PPP2R2C: variants seen among roughly 807,000 people sequenced by gnomAD.
PPP2R2C encodes the protein protein phosphatase 2, regulatory subunit B, gamma.
Under a neutral mutation model 45.3 loss-of-function variants are expected in PPP2R2C, and 10 were observed. That is an observed-to-expected ratio of 0.22 (90% confidence interval 0.14 to 0.37). The LOEUF (loss-of-function observed/expected upper bound fraction) is 0.37, where lower values mean the gene tolerates loss of function less well. Ranked by LOEUF, PPP2R2C falls within the 10% of genes least tolerant of loss-of-function variation. The pLI is 1.00. For synonymous variants in PPP2R2C, 257 were observed against 245.4 expected, an observed-to-expected ratio of 1.05 and a Z score of -0.44; for missense variants, 308 against 619.7, an observed-to-expected ratio of 0.50 and a Z score of 5.34.
At chr4:6,326,314 A>G (rs1409343842) in intron 8 of PPP2R2C, among the ~76,000 whole-genome samples, 1 of 152,106 alleles carries the variant, frequency 6.6e-6, no homozygotes, top group Non-Finnish European at 1.5e-5. Context: ...GCCGGAGAGA[A>G]AAAAACAGCC....
rs534122415 is a variant in PPP2R2C at position 6,418,899 on chromosome 4, C to CAGACAGTAGGCCTGGGCACAG, written c.71-37826_71-37806dup. 4.5e-3 allele frequency among the ~76,000 whole-genome samples: 684 copies of CAGACAGTAGGCCTGGGCACAG among 152,248 alleles called. 5 individuals carry two copies. Among genetic ancestry groups the CAGACAGTAGGCCTGGGCACAG allele is most frequent in the Non-Finnish European group, 7.5e-3 (512 of 68,018 alleles). Reference sequence around the variant, plus strand: ...TGGTTCTGGGGAGTAAAGTGTGAAGCAGACAGTAGGCCTGGGCACAGAGAC... The same window carrying CAGACAGTAGGCCTGGGCACAG: ...TGGTTCTGGGGAGTAAAGTGTGAAGCAGACAGTAGGCCTGGGCACAGAGACAGTAGGCCTGGGCACAGAGAC... On this transcript the variant is annotated intron_variant, in intron 1 of 8. Coordinates refer to ENST00000382599, the MANE Select transcript of PPP2R2C (RefSeq NM_020416.4).
intron 5 of PPP2R2C, among the ~76,000 whole-genome samples, chr4:6,354,023 G>C (rs1246514399): frequency 7.2e-6 from 1 of 139,462 alleles, no homozygotes; most frequent in African/African-American, 2.7e-5. Context: ...AGGCATCAGG[G>C]GGCTTCTTCC....
At chr4:6,421,011 G>C in intron 1 of PPP2R2C, 1 of 985,248 alleles carries the variant, frequency 1.0e-6, no homozygotes, top group Non-Finnish European at 1.2e-6. Context: ...TGTGCCTGAG[G>C]AGGGCTTCGT....
intron 7 of PPP2R2C, 64 bp downstream of exon 7, chr4:6,333,498 C>T: frequency 6.4e-7 from 1 of 1,562,810 alleles, no homozygotes; most frequent in African/African-American, 1.4e-5. Context: ...AAGGCCCCCT[C>T]CATGGGGATC....
At chr4:6,407,497 C>A (rs554489948) in intron 1 of PPP2R2C, among the ~76,000 whole-genome samples, 3 of 152,288 alleles carry the variant, frequency 2.0e-5, no homozygotes, top group South Asian at 4.1e-4. Flanking sequence ...TGGGTTCAAG[C>A]GATTCTCCAG....
At chr4:6,547,864 T>G (rs1272038926) in intron 1 of PPP2R2C, among the ~76,000 whole-genome samples, 1 of 151,966 alleles carries the variant, frequency 6.6e-6, no homozygotes, top group Admixed American at 6.6e-5. Context: ...CTTTTAAAAG[T>G]CTCAGATAAG....
At chr4:6,492,794 A>G (rs1722737616) in intron 2 of PPP2R2C, among the ~76,000 whole-genome samples, 1 of 152,132 alleles carries the variant, frequency 6.6e-6, no homozygotes. Flanking sequence ...ACACACAGCA[A>G]TGACACAGGT....
chr4:6,397,906 A>G (rs1173749737), intron 1 of PPP2R2C, among the ~76,000 whole-genome samples: 1 of 152,240 alleles, frequency 6.6e-6, no homozygotes, highest in Non-Finnish European at 1.5e-5. Flanking sequence ...TGATATAAAG[A>G]TACAGTGATA....
chr4:6,355,676 G>A (rs1159739143), intron 5 of PPP2R2C, among the ~76,000 whole-genome samples: 2 of 152,000 alleles, frequency 1.3e-5, no homozygotes, highest in African/African-American at 4.8e-5. Context: ...TGAAAGTATT[G>A]CTGCTGCGGT....
At chr4:6,444,300 G>C (rs1412528265) in intron 1 of PPP2R2C, among the ~76,000 whole-genome samples, 2 of 152,222 alleles carry the variant, frequency 1.3e-5, no homozygotes, top group Admixed American at 1.3e-4. Context: ...GCCTGGGCCA[G>C]ACAGGTAGGC....
intron 6 of PPP2R2C, 45 bp downstream of exon 6, chr4:6,347,801 G>GGCCC: frequency 1.4e-6 from 1 of 696,924 alleles, no homozygotes; most frequent in Non-Finnish European, 2.0e-6. Flanking sequence ...CCACCCGCCC[G>GGCCC]CCTGCCCAAT....
chr4:6,541,008 C>CT (rs1431458274), intron 1 of PPP2R2C, among the ~76,000 whole-genome samples: 2 of 152,358 alleles, frequency 1.3e-5, no homozygotes, highest in African/African-American at 2.4e-5. Context: ...CCTCAAGTCA[C>CT]TTCATGATTA....
intron 2 of PPP2R2C, among the ~76,000 whole-genome samples, chr4:6,494,752 A>G (rs4234749): frequency 0.91 from 138,655 of 152,284 alleles, 64,497 homozygotes; most frequent in East Asian, 1. Flanking sequence ...GGGAAGGGAG[A>G]AGGCCATACT....
At chr4:6,359,803 G>C (rs1381277557) in intron 5 of PPP2R2C, among the ~76,000 whole-genome samples, 1 of 152,142 alleles carries the variant, frequency 6.6e-6, no homozygotes, top group Non-Finnish European at 1.5e-5. Flanking sequence ...GTCCTCTCCT[G>C]TAAGGTGGGC....
intron 1 of PPP2R2C, among the ~76,000 whole-genome samples, chr4:6,408,262 C>T (rs1717929880): frequency 1.3e-5 from 2 of 152,182 alleles, no homozygotes; most frequent in Non-Finnish European, 2.9e-5. Flanking sequence ...GATGCAAAAA[C>T]CCCCACCAGG....
chr4:6,463,943 G>A (rs560655925), intron 1 of PPP2R2C, among the ~76,000 whole-genome samples: 1 of 152,300 alleles, frequency 6.6e-6, no homozygotes, highest in African/African-American at 2.4e-5. Context: ...TAAGTGTGGT[G>A]CATAATCAGA....
intron 1 of PPP2R2C, among the ~76,000 whole-genome samples, chr4:6,415,470 G>A (rs946811251): frequency 1.1e-4 from 17 of 152,314 alleles, no homozygotes; most frequent in African/African-American, 3.6e-4. Flanking sequence ...CCACCTCCAG[G>A]TGCCTCCAGT....
At chr4:6,417,714 C>T (rs1718687109) in intron 1 of PPP2R2C, among the ~76,000 whole-genome samples, 1 of 152,216 alleles carries the variant, frequency 6.6e-6, no homozygotes, top group Non-Finnish European at 1.5e-5. Context: ...CCAGTGAGGG[C>T]AGGCAGGCTT....
intron 6 of PPP2R2C, among the ~76,000 whole-genome samples, chr4:6,344,002 G>A (rs533163964): frequency 3.5e-4 from 53 of 152,342 alleles, no homozygotes; most frequent in African/African-American, 1.2e-3. Flanking sequence ...TCACTGGTGC[G>A]GGCAAGAGCC....
Sources: allele counts gnomAD v4.1 joint callset (sites outside exome capture counted in the v4.1 genomes callset), GRCh38; gene constraint gnomAD v4.1.1; transcripts MANE v1.5; gene names NCBI Gene and HGNC (gene_info 2026-07-23, HGNC 2026-07-21).